The following EMG1 variants were observed in gnomAD, a reference collection of about 807,000 sequenced individuals.
The protein encoded by EMG1 is EMG1 N1-specific pseudouridine methyltransferase.
A neutral mutation model predicts 26.9 loss-of-function variants in EMG1; 24 were observed. The observed-to-expected ratio is 0.89, with a 90% CI of 0.65 to 1.26. The LOEUF (loss-of-function observed/expected upper bound fraction) is 1.26. Among genes scored for constraint, EMG1 ranks in the 50% most tolerant of loss-of-function variants. The pLI is 0.00. For missense variants in EMG1, 299 were observed against 307.6 expected, an observed-to-expected ratio of 0.97 and a Z score of 0.21; for synonymous variants, 140 against 112.6, an observed-to-expected ratio of 1.24 and a Z score of -1.54.
chr12:6,986,157 T>C (rs1946523934), intron 6 of EMG1, among the ~76,000 whole-genome samples: 1 of 152,004 alleles, frequency 6.6e-6, no homozygotes, highest in African/African-American at 2.4e-5. Context: ...TAGTTGACCC[T>C]TGATCAACAC....
chr12:6,976,942 T>C lies in EMG1; in HGVS notation c.*1133T>C. ...GCTGGTTAGTTACTCCTGTAATTCC[T>C]GGTCTATAGCCCTTCCAGATGTTTC... is the stretch of plus-strand genomic sequence containing the variant. On this transcript the variant is annotated 3_prime_UTR_variant, in exon 6 of 6. Transcript: ENST00000599672. 1 of 546,370 alleles carries C rather than the reference T, an allele frequency of 1.8e-6. No homozygotes were observed. The highest frequency in any genetic ancestry group is 3.0e-5 in the East Asian group (1 of 33,520). The allele number at this position is 546,370 out of a possible 1,614,324, so 33.8% of individuals were successfully genotyped here.
rs1565594599 is a variant in EMG1 at position 6,975,222 on chromosome 12, A to G, written c.472-7A>G. 1 of 1,613,800 alleles carries G rather than the reference A, an allele frequency of 6.2e-7. No homozygotes were observed. Among genetic ancestry groups the G allele is most frequent in the Admixed American group, 1.7e-5 (1 of 59,970 alleles). On this transcript the variant is annotated splice_polypyrimidine_tract_variant and splice_region_variant and intron_variant, in intron 4 of 5. Transcript: ENST00000599672. The stretch of plus-strand genomic sequence containing the variant: ...TGGGGCTGACTTTTCTCTCTTTTTT[A>G]CTTTAGGTAATTAAGAATCCAGTAT...
rs2138339256 is a variant in EMG1, at chr12:6,987,652, A to AT, written c.*155-129dup. 2.5e-6 allele frequency: 1 copy of AT among 395,116 alleles called. No homozygotes were observed. Among genetic ancestry groups the AT allele is most frequent in the East Asian group, 3.6e-5 (1 of 27,870 alleles). The allele number at this position is 395,116 out of a possible 1,614,324, so 24.5% of individuals were successfully genotyped here. On this transcript the variant is annotated intron_variant and NMD_transcript_variant, in intron 6 of 7. Coordinates refer to the EMG1 transcript ENST00000261406. This position sits in a 1 kb window ranked among gnomAD's most constrained non-coding sequence, Gnocchi z 4.1. ...AGATAATTATCTAGAGCACTCATAA[A>AT]TAAGTTCTAGGTAGCTAAGTTTCTC...
At chr12:6,981,066 C>T (rs1555153995), downstream of EMG1, 2 of 1,613,090 alleles carry the variant, frequency 1.2e-6, no homozygotes, top group African/African-American at 2.7e-5. Context: ...TGTAGTGATT[C>T]ATTGAGAACT....
downstream of EMG1, among the ~76,000 whole-genome samples, chr12:6,988,652 T>C (rs1946553218): frequency 6.6e-6 from 1 of 152,156 alleles, no homozygotes; most frequent in Non-Finnish European, 1.5e-5. Context: ...TTGGCTTCCG[T>C]GGGTCTGAGT....
downstream of EMG1, chr12:6,983,545 T>C (rs1555154419): frequency 6.4e-7 from 1 of 1,560,234 alleles, no homozygotes; most frequent in African/African-American, 1.4e-5. Flanking sequence ...GTAACCTAGA[T>C]GGGGGAAAAG....
At chr12:6,974,815 C>T (rs1946373808) in intron 3 of EMG1, 122 bp downstream of exon 3, 1 of 1,058,832 alleles carries the variant, frequency 9.4e-7, no homozygotes, top group East Asian at 2.5e-5. Flanking sequence ...ATGATTAATA[C>T]CAGGACAAGG....
At chr12:6,984,650 G>A (rs368866620), downstream of EMG1, among the ~76,000 whole-genome samples, 22 of 152,288 alleles carry the variant, frequency 1.4e-4, no homozygotes, top group South Asian at 4.1e-3. Flanking sequence ...GCAGTGGCAC[G>A]ATCATCGCTC....
Position 6,974,322 on chromosome 12 carries a change from T to C in EMG1, c.169-17T>C. On this transcript the variant is annotated splice_polypyrimidine_tract_variant and intron_variant, in intron 1 of 5. Transcript: ENST00000599672. ...AGAAGCTTATGCTGTTCTCTCGTCA[T>C]GTTCCCTGTTCTTCAGGTAGGGAAG... The C allele has an allele frequency of 6.3e-7, 1 of 1,577,814 alleles. No individual in the cohort carries two copies. The highest frequency in any genetic ancestry group is 8.7e-7 in the Non-Finnish European group (1 of 1,149,988).
chr12:6,982,625 C>T (rs1449048635), downstream of EMG1: 3 of 1,395,530 alleles, frequency 2.1e-6, no homozygotes, highest in Non-Finnish European at 3.0e-6. Context: ...TACCCCTGTC[C>T]CCTGAACCGC....
rs782474568 is a variant in EMG1 at position 6,978,713 on chromosome 12, A to C, written c.*2904A>C. The C allele has an allele frequency of 1.2e-6, 2 of 1,613,140 alleles. No homozygotes were observed. Among genetic ancestry groups the C allele is most frequent in the Non-Finnish European group, 1.7e-6 (2 of 1,179,630 alleles). ...TTCTTGAGGGAAGAAAGCACAGTGC[A>C]TTAGGGATATCACATGACTAGGCAG... On this transcript the variant is annotated 3_prime_UTR_variant, in exon 6 of 6. Transcript: ENST00000599672.
chr12:6,981,557 T>G (rs781840309), downstream of EMG1: 1 of 1,607,718 alleles, frequency 6.2e-7, no homozygotes, highest in South Asian at 1.1e-5. Flanking sequence ...TCCCTTTCAT[T>G]AAGTCTTGAA....
chr12:6,997,216 T>G (rs2138349468), intron 7 of EMG1: 1 of 152,324 alleles, frequency 6.6e-6, no homozygotes, highest in South Asian at 2.1e-4. Flanking sequence ...TTTTATTTTC[T>G]TGAGACAGTA....
At chr12:6,974,789 A>C in intron 3 of EMG1, 96 bp downstream of exon 3, 1 of 1,285,424 alleles carries the variant, frequency 7.8e-7, no homozygotes, top group Non-Finnish European at 1.1e-6. Context: ...TTTAAGCGAG[A>C]AAATGGGAGA....
downstream of EMG1, chr12:6,983,141 A>T (rs781874074): frequency 8.3e-6 from 4 of 483,136 alleles, no homozygotes; most frequent in African/African-American, 2.0e-5. Context: ...CTAAGTGGGG[A>T]CTGCTTGGCT....
downstream of EMG1, among the ~76,000 whole-genome samples, chr12:6,988,806 A>C (rs144070340): frequency 4.3e-4 from 66 of 152,194 alleles, 3 homozygotes; most frequent in East Asian, 0.012. Context: ...TTAGCACCAG[A>C]TGGGTTTGTA....
Position 6,974,645 on chromosome 12 carries a change from CCCCAGACCCGAATT to C in EMG1, c.371_384del (p.Thr124AsnfsTer3). 1 of 1,613,982 alleles carries C rather than the reference CCCCAGACCCGAATT, an allele frequency of 6.2e-7. No individual in the cohort carries two copies. The highest frequency in any genetic ancestry group is 2.2e-5 in the East Asian group (1 of 44,892). On this transcript the variant is annotated frameshift_variant, in exon 3 of 6. Coordinates refer to ENST00000599672, the MANE Select transcript of EMG1 (RefSeq NM_006331.8). LOFTEE classifies it high-confidence loss of function. ...GAAGAATGTTCTGATTGAAGTGAATCCCCAGACCCGAATTCCCAGAACCTTTGACCGCTTTTGTG... is the reference window on the plus strand; with the variant it reads ...GAAGAATGTTCTGATTGAAGTGAATCCCCAGAACCTTTGACCGCTTTTGTG...
rs782055621 is a variant in EMG1 at position 6,970,947 on chromosome 12, C to CT, written c.24_25insT (p.Lys9Ter). 6.2e-7 allele frequency: 1 copy of CT among 1,613,142 alleles called. No individual in the cohort carries two copies. Among genetic ancestry groups the CT allele is most frequent in the Non-Finnish European group, 8.5e-7 (1 of 1,179,504 alleles). ...AGATGGCCGCGCCCAGTGATGGATT[C>CT]AAGCCTCGTGAACGAAGCGGTGGGG... On this transcript the variant is annotated frameshift_variant, in exon 1 of 6. Transcript: ENST00000599672. LOFTEE classifies it high-confidence loss of function.
downstream of EMG1, chr12:6,983,493 C>T: frequency 6.2e-7 from 1 of 1,613,196 alleles, no homozygotes; most frequent in Non-Finnish European, 8.5e-7. Context: ...TGAGGTAGGT[C>T]TCCTTGTAGA....
Sources: allele counts gnomAD v4.1 joint callset (sites outside exome capture counted in the v4.1 genomes callset), GRCh38; gene constraint gnomAD v4.1.1; non-coding constraint Gnocchi (gnomAD v3.1); transcripts MANE v1.5; gene names NCBI Gene and HGNC (gene_info 2026-07-23, HGNC 2026-07-21).